CDKL3: variants seen among roughly 807,000 people sequenced by gnomAD.
CDKL3 encodes cyclin dependent kinase like 3.
CDKL3 carries 65 observed loss-of-function variants against 69.3 expected under a neutral mutation model. The observed-to-expected ratio is 0.94, with a 90% CI of 0.77 to 1.15. The LOEUF (loss-of-function observed/expected upper bound fraction) is 1.15. Among genes scored for constraint, CDKL3 ranks in the 50% most tolerant of loss-of-function variants. The pLI is 0.00. For missense variants in CDKL3, 652 were observed against 689.2 expected (o/e 0.95, Z 0.61); for synonymous variants, 202 against 221.6 (o/e 0.91, Z 0.79).
At position 134,366,477 on chromosome 5, in the gene CDKL3, C is replaced by G; in HGVS notation, c.47G>C (p.Gly16Ala). Reference sequence around the variant, plus strand: ...CTTATGTTTACATTTCATGACTGTTCCGTAACTTCCCTCTCCCACTTTTCC... The same window carrying G: ...CTTATGTTTACATTTCATGACTGTTGCGTAACTTCCCTCTCCCACTTTTCC... ...TLGKVGEGSYGTVMKCKHKNT... is the reference protein window; with the variant it reads ...TLGKVGEGSYATVMKCKHKNT... Residue 16 changes from glycine (G) to alanine (A), a missense_variant, in exon 2 of 13, where the codon GGA becomes GCA. Transcript: ENST00000265334. The G allele has an allele frequency of 6.2e-7, 1 of 1,608,662 alleles. No individual in the cohort carries two copies. Among genetic ancestry groups the G allele is most frequent in the Non-Finnish European group, 8.5e-7 (1 of 1,177,546 alleles).
intron 3 of CDKL3, among the ~76,000 whole-genome samples, chr5:134,356,985 G>A (rs1326909837): frequency 1.3e-5 from 2 of 151,494 alleles, no homozygotes; most frequent in Admixed American, 1.3e-4. Flanking sequence ...CTACTATATC[G>A]TTTGTGCCAC....
intron 10 of CDKL3, among the ~76,000 whole-genome samples, chr5:134,305,668 T>G (rs764295362): frequency 1.3e-5 from 2 of 152,240 alleles, no homozygotes; most frequent in African/African-American, 4.8e-5. Flanking sequence ...TCTTCCACAA[T>G]GTAATGTTTA....
intron 7 of CDKL3, 132 bp downstream of exon 7, chr5:134,312,160 C>T (rs992680583): frequency 4.7e-6 from 3 of 643,100 alleles, no homozygotes; most frequent in South Asian, 3.6e-5. Flanking sequence ...ATACCTGATA[C>T]AATAACTCAA....
intron 2 of CDKL3, among the ~76,000 whole-genome samples, chr5:134,362,246 C>T (rs934104386): frequency 6.6e-6 from 1 of 151,974 alleles, no homozygotes; most frequent in African/African-American, 2.4e-5. Flanking sequence ...TTGGGTCAGG[C>T]CGGTGGCTCA....
downstream of CDKL3, among the ~76,000 whole-genome samples, chr5:134,295,987 T>G (rs1197434453): frequency 6.6e-6 from 1 of 152,072 alleles, no homozygotes; most frequent in Non-Finnish European, 1.5e-5. Context: ...ACCTCCACTT[T>G]CCGGGTTCAC....
intron 2 of CDKL3, among the ~76,000 whole-genome samples, chr5:134,362,221 G>A (rs1348994702): frequency 6.6e-6 from 1 of 152,078 alleles, no homozygotes; most frequent in Non-Finnish European, 1.5e-5. Flanking sequence ...TGAAATTCTA[G>A]CATAAAAATT....
In CDKL3 at chr5:134,319,462, T is replaced by C; in HGVS notation, c.688A>G (p.Lys230Glu). 6.5e-7 allele frequency: 1 copy of C among 1,532,826 alleles called. No homozygotes were observed. The highest frequency in any genetic ancestry group is 2.2e-5 in the Admixed American group (1 of 45,038). 95.0% of individuals were successfully genotyped at this position (1,532,826 alleles called of 1,614,324 possible). The change falls in exon 6 of 13, where the codon AAG (lysine) becomes GAG (glutamate). Residue 230 changes from lysine (K) to glutamate (E), a missense_variant. Lys to Glu is a moderately conservative substitution (Grantham distance 56). Coordinates refer to ENST00000265334, the MANE Select transcript of CDKL3 (RefSeq NM_001113575.2). ...LSPHLQNIFSKSPIFAGVVLP... is the reference protein window; with the variant it reads ...LSPHLQNIFSESPIFAGVVLP... ...ACTACCCCAGCAAAAATGGGGCTCT[T>C]GGAAAAGATATTCTGCAAGTGAGGT...
At chr5:134,367,309 T>C (rs1324223418), upstream of CDKL3, 13 of 983,406 alleles carry the variant, frequency 1.3e-5, no homozygotes, top group South Asian at 6.1e-4. Flanking sequence ...TACAGATTGC[T>C]GTCGCAGCTG....
At chr5:134,312,262 A>C in intron 7 of CDKL3, 30 bp downstream of exon 7, 1 of 1,361,280 alleles carries the variant, frequency 7.3e-7, no homozygotes, top group Non-Finnish European at 1.0e-6. Context: ...AAATGCTTTT[A>C]AAAAACCCAC....
chr5:134,371,559 T>C (rs1758415842), upstream of CDKL3: 1 of 1,608,296 alleles, frequency 6.2e-7, no homozygotes, highest in South Asian at 1.1e-5. Flanking sequence ...CGCGGGACTT[T>C]TTTTTTTTCA....
chr5:134,304,594 A>T (rs368621282), intron 10 of CDKL3, 27 bp from the exon 11 acceptor site: 77 of 1,569,586 alleles, frequency 4.9e-5, no homozygotes, highest in Non-Finnish European at 6.6e-5. Context: ...GAGTTAGTTG[A>T]AGAAATGTGT....
At chr5:134,321,958 T>C (rs1580964536) in intron 4 of CDKL3, 55 bp from the exon 5 acceptor site, 2 of 895,576 alleles carry the variant, frequency 2.2e-6, no homozygotes, top group East Asian at 2.7e-5. Flanking sequence ...TTTATAAATA[T>C]ATTCTTAAAA....
chr5:134,302,526 T>A (rs1766602150), intron 12 of CDKL3, 64 bp downstream of exon 12: 2 of 809,336 alleles, frequency 2.5e-6, no homozygotes, highest in East Asian at 5.3e-5. Context: ...TAACTAAATT[T>A]ATACACTGAG....
chr5:134,370,265 T>C (rs1758223725), upstream of CDKL3, among the ~76,000 whole-genome samples: 2 of 152,050 alleles, frequency 1.3e-5, no homozygotes, highest in South Asian at 2.1e-4. Flanking sequence ...GTCCTGAAGG[T>C]AGGAATTGGA....
At chr5:134,337,576 A>G (rs1024093707) in intron 4 of CDKL3, among the ~76,000 whole-genome samples, 19 of 152,180 alleles carry the variant, frequency 1.2e-4, no homozygotes, top group Non-Finnish European at 2.6e-4. Flanking sequence ...TAAACTTTTC[A>G]TAAAGCCAAG....
intron 12 of CDKL3, chr5:134,302,139 C>A (rs1365583311): frequency 2.2e-6 from 1 of 456,022 alleles, no homozygotes; most frequent in Admixed American, 2.4e-5. Context: ...AACAAGATTA[C>A]CTGATAGTTA....
intron 9 of CDKL3, 49 bp from the exon 10 acceptor site, chr5:134,306,751 T>C: frequency 9.0e-6 from 2 of 222,924 alleles, no homozygotes; most frequent in Non-Finnish European, 1.2e-5. Context: ...CCAGAAATGC[T>C]TTTTTTTTTT....
chr5:134,334,906 C>G (rs564587831), intron 4 of CDKL3, among the ~76,000 whole-genome samples: 1 of 151,852 alleles, frequency 6.6e-6, no homozygotes. Context: ...TGATATTGAC[C>G]GTGGGGTGTT....
chr5:134,344,061 T>C (rs1255750531), intron 4 of CDKL3, among the ~76,000 whole-genome samples: 1 of 152,156 alleles, frequency 6.6e-6, no homozygotes, highest in African/African-American at 2.4e-5. Flanking sequence ...GAACAATATT[T>C]TCATCAAATG....
Sources: allele counts gnomAD v4.1 joint callset (sites outside exome capture counted in the v4.1 genomes callset), GRCh38; gene constraint gnomAD v4.1.1; transcripts MANE v1.5; gene names NCBI Gene and HGNC (gene_info 2026-07-23, HGNC 2026-07-21).